PTPRG: variants seen among roughly 807,000 people sequenced by gnomAD.
The protein encoded by PTPRG is receptor-type tyrosine-protein phosphatase gamma.
Under a neutral mutation model 165.3 loss-of-function variants are expected in PTPRG, and 102 were observed. The observed-to-expected ratio is 0.62, with a 90% confidence interval of 0.53 to 0.73. The LOEUF (loss-of-function observed/expected upper bound fraction) is 0.73, where lower values mean the gene tolerates loss of function less well. Among genes scored for constraint, PTPRG ranks in the 30% least tolerant of loss-of-function variants. The pLI, the probability that PTPRG is intolerant of heterozygous loss-of-function variation, is 0.00. For missense variants in PTPRG, 1,866 were observed against 1,861.4 expected (o/e 1.00, Z -0.05); for synonymous variants, 675 against 669.5 (o/e 1.01, Z -0.13).
chr3:62,176,467 G>T (rs1705428161), intron 8 of PTPRG, among the ~76,000 whole-genome samples: 1 of 152,158 alleles, frequency 6.6e-6, no homozygotes. Context: ...GAACTTGCAA[G>T]TGGTGCCTCT....
chr3:61,778,011 A>C (rs1238576787), intron 2 of PTPRG, among the ~76,000 whole-genome samples: 3 of 152,136 alleles, frequency 2.0e-5, no homozygotes, highest in Admixed American at 6.5e-5. Flanking sequence ...TCATTCATTC[A>C]TTCATGTAAC....
chr3:61,886,373 G>C lies in PTPRG; in HGVS notation c.191-103252G>C, dbSNP rs369577483. 1.0e-3 allele frequency among the ~76,000 whole-genome samples: 158 copies of C among 152,298 alleles called. 7 individuals carry two copies. The South Asian group carries it at 0.031, about 30-fold the overall frequency. On this transcript the variant is annotated intron_variant, in intron 2 of 29. Transcript: ENST00000474889. ...TTCAAGTCTCAATGACTACCTAGTA[G>C]TTCATTTACTTACCTATATTTGTAT...
chr3:61,628,775 T>C (rs925463076), intron 1 of PTPRG, among the ~76,000 whole-genome samples: 1 of 152,218 alleles, frequency 6.6e-6, no homozygotes, highest in African/African-American at 2.4e-5. Context: ...TCTCTGACCC[T>C]GTGCCATACT....
intron 4 of PTPRG, among the ~76,000 whole-genome samples, chr3:62,038,407 A>T (rs1700018162): frequency 6.6e-6 from 1 of 151,748 alleles, no homozygotes; most frequent in Non-Finnish European, 1.5e-5. Context: ...TTTTATTTTT[A>T]TTTTTTTGGA....
chr3:62,168,294 G>A (rs966018523), intron 8 of PTPRG, 131 bp downstream of exon 8: 24 of 865,432 alleles, frequency 2.8e-5, no homozygotes, highest in Middle Eastern at 3.5e-4. Flanking sequence ...GCTAAAGGGA[G>A]CCTGTCTGGC....
chr3:61,908,806 C>A (rs1312551499), intron 2 of PTPRG, among the ~76,000 whole-genome samples: 1 of 152,086 alleles, frequency 6.6e-6, no homozygotes, highest in Non-Finnish European at 1.5e-5. Flanking sequence ...GCAGTGATTG[C>A]AGGTTTAAAT....
chr3:61,649,237 C>G (rs967304486), intron 1 of PTPRG, among the ~76,000 whole-genome samples: 1 of 150,640 alleles, frequency 6.6e-6, no homozygotes, highest in Non-Finnish European at 1.5e-5. Flanking sequence ...CTAGGCTGGT[C>G]CTGAACTCCT....
At chr3:61,691,812 A>G (rs1228819293) in intron 1 of PTPRG, among the ~76,000 whole-genome samples, 4 of 152,224 alleles carry the variant, frequency 2.6e-5, no homozygotes, top group African/African-American at 9.6e-5. Context: ...AATATCATAA[A>G]AAGCATATGG....
intron 7 of PTPRG, among the ~76,000 whole-genome samples, chr3:62,162,639 AAGAT>A (rs144758611): frequency 0.023 from 3,496 of 152,260 alleles, 55 homozygotes; most frequent in Middle Eastern, 0.065. Flanking sequence ...CAGAAGGATG[AAGAT>A]AGATAGATGT....
At chr3:61,945,777 A>G (rs376288372) in intron 2 of PTPRG, among the ~76,000 whole-genome samples, 1 of 152,182 alleles carries the variant, frequency 6.6e-6, no homozygotes, top group Non-Finnish European at 1.5e-5. Flanking sequence ...AACACATTGC[A>G]TAACTAGGCA....
chr3:62,282,587 T>C (rs1702494510), intron 27 of PTPRG, 140 bp from the exon 28 acceptor site: 2 of 791,958 alleles, frequency 2.5e-6, no homozygotes, highest in Non-Finnish European at 3.7e-6. Flanking sequence ...ATTTTTCTTC[T>C]TTCCAGCTGT....
chr3:61,642,406 A>AT (rs1702092149), intron 1 of PTPRG, among the ~76,000 whole-genome samples: 6 of 152,168 alleles, frequency 3.9e-5, no homozygotes, highest in Admixed American at 3.9e-4. Context: ...TAGATGCTTG[A>AT]TTCAGGTTTG....
At chr3:61,883,384 G>T (rs138887056) in intron 2 of PTPRG, among the ~76,000 whole-genome samples, 1 of 151,994 alleles carries the variant, frequency 6.6e-6, no homozygotes, top group African/African-American at 2.4e-5. Context: ...GGGGTCTAAC[G>T]GTGCAAAAGT....
intron 1 of PTPRG, among the ~76,000 whole-genome samples, chr3:61,701,125 TTTC>T (rs1431945877): frequency 6.6e-6 from 1 of 152,164 alleles, no homozygotes; most frequent in Admixed American, 6.6e-5. Context: ...TAGCTGCATA[TTTC>T]TTCTTGTGTT....
At chr3:62,045,218 C>G (rs1700251079) in intron 4 of PTPRG, among the ~76,000 whole-genome samples, 1 of 152,156 alleles carries the variant, frequency 6.6e-6, no homozygotes, top group African/African-American at 2.4e-5. Context: ...GAAGAAGTTT[C>G]CCCAGATGGA....
chr3:62,245,586 C>T lies in PTPRG; in HGVS notation c.2467+1688C>T, dbSNP rs1057313562. ...CTAGGTCCACCCTGAAATCTTTGTT[C>T]AGTGCCTTCACCTCTCTGAACCTTA... On this transcript the variant is annotated intron_variant, in intron 15 of 29. Transcript: ENST00000474889. The surrounding 1 kb of genome is among the most constrained non-coding windows in gnomAD (Gnocchi z 4.2). Among the ~76,000 whole-genome samples the T allele has an allele frequency of 3.3e-5, 5 of 152,114 alleles. No individual in the cohort carries two copies. Among genetic ancestry groups the T allele is most frequent in the Admixed American group, 3.3e-4 (5 of 15,268 alleles).
At chr3:61,841,174 C>T (rs1446249836) in intron 2 of PTPRG, among the ~76,000 whole-genome samples, 6 of 152,040 alleles carry the variant, frequency 3.9e-5, no homozygotes, top group East Asian at 1.9e-4. Context: ...ATATTGGGAC[C>T]GTTATAGAAG....
intron 2 of PTPRG, among the ~76,000 whole-genome samples, chr3:61,763,527 A>G (rs13096440): frequency 1 from 151,114 of 151,120 alleles, 75,554 homozygotes; most frequent in Non-Finnish European, 1. Context: ...TACCACGCCC[A>G]GCTAATTTTT....
At chr3:62,017,591 A>ACTT (rs1553705148) in intron 4 of PTPRG, among the ~76,000 whole-genome samples, 1 of 142,806 alleles carries the variant, frequency 7.0e-6, no homozygotes, top group Non-Finnish European at 1.5e-5. Flanking sequence ...AATTTTTTGT[A>ACTT]TTTTTTTTTT....
Sources: gnomAD v4.1 joint callset for allele counts (sites outside exome capture counted in the v4.1 genomes callset) on GRCh38, gnomAD v4.1.1 for gene constraint, Gnocchi (gnomAD v3.1) non-coding constraint, MANE v1.5 for transcripts, NCBI Gene and HGNC (gene_info 2026-07-23, HGNC 2026-07-21) for gene names.